SPARC: variants seen among roughly 807,000 people sequenced by gnomAD.
The protein encoded by SPARC is basement-membrane protein 40.
A neutral mutation model predicts 37.7 loss-of-function variants in SPARC; 23 were observed. The observed-to-expected ratio is 0.61, with a 90% CI of 0.44 to 0.87. The LOEUF (loss-of-function observed/expected upper bound fraction) is 0.87. Among genes scored for constraint, SPARC ranks in the 40% least tolerant of loss-of-function variants. The pLI is 0.00. For missense variants in SPARC, 312 were observed against 389.0 expected, an observed-to-expected ratio of 0.80 and a Z score of 1.66; for synonymous variants, 155 against 150.8, an observed-to-expected ratio of 1.03 and a Z score of -0.20.
At chr5:151,682,394 G>C (rs1761015501) in intron 1 of SPARC, among the ~76,000 whole-genome samples, 1 of 152,204 alleles carries the variant, frequency 6.6e-6, no homozygotes, top group Non-Finnish European at 1.5e-5. Context: ...ACAAATGAAA[G>C]GATGAGAAAT....
rs765540729 is a variant in SPARC at position 151,667,562 on chromosome 5, G to A, written c.490C>T (p.Pro164Ser). 2 of 1,614,178 alleles carry A rather than the reference G, an allele frequency of 1.2e-6. No homozygotes were observed. Residue 164 changes from proline (P) to serine (S), a missense_variant, in exon 7 of 10, where the codon CCC becomes TCC. Coordinates refer to ENST00000231061, the MANE Select transcript of SPARC (RefSeq NM_003118.4). The stretch of plus-strand genomic sequence containing the variant: ...TTGAGCCAGTCCCGCATGCGCAGGG[G>A]GAATTCGGTCAGCTCAGAGTCCAGG... ...PCLDSELTEFPLRMRDWLKNV... is the reference protein window; with the variant it reads ...PCLDSELTEFSLRMRDWLKNV...
At chr5:151,668,139 CTTTT>C (rs927219207) in intron 6 of SPARC, among the ~76,000 whole-genome samples, 7 of 145,670 alleles carry the variant, frequency 4.8e-5, no homozygotes, top group African/African-American at 1.8e-4. Flanking sequence ...CTTTTCTTTT[CTTTT>C]TTCTTTTTTT....
chr5:151,680,565 C>T (rs1002416011), intron 1 of SPARC, among the ~76,000 whole-genome samples: 1 of 152,110 alleles, frequency 6.6e-6, no homozygotes, highest in Non-Finnish European at 1.5e-5. Flanking sequence ...TAAATAGCCA[C>T]ATGTGGCTAG....
Position 151,664,166 on chromosome 5 carries a change from G to T in SPARC, c.804C>A (p.Arg268=), listed in dbSNP as rs776131194. The change falls in exon 9 of 10, where the codon CGC becomes CGA. Residue 268 remains arginine, a synonymous_variant. Transcript: ENST00000231061. ...PLIPMEHCTT[R]FFETCDLDND... ...TGTCCAGGTCACAGGTCTCGAAAAA[G>T]CGGGTGGTGCAATGCTCCATGGGGA... 1.2e-6 allele frequency: 2 copies of T among 1,614,212 alleles called. No homozygotes were observed. The highest frequency in any genetic ancestry group is 1.7e-6 in the Non-Finnish European group (2 of 1,180,018).
rs1265109428 is a variant in SPARC, at chr5:151,678,299, C to T, written c.-13-2098G>A. On this transcript the variant is annotated intron_variant, in intron 1 of 9. Transcript: ENST00000231061. ...GCGTCCTTCATATGAGCAGAGTAAC[C>T]GCGCTCCCCTCTGTGACCAGGGGAA... Among the ~76,000 whole-genome samples, 6 of 152,236 alleles carry T rather than the reference C, an allele frequency of 3.9e-5. No individual in the cohort carries two copies. The South Asian group carries it at 6.2e-4, about 16-fold the overall frequency.
chr5:151,668,372 C>T (rs1387048327), intron 6 of SPARC, among the ~76,000 whole-genome samples: 16 of 152,102 alleles, frequency 1.1e-4, no homozygotes, highest in African/African-American at 3.1e-4. Context: ...AGACTGGTCT[C>T]GAACTCCTGA....
chr5:151,674,168 C>T (rs1045662307), intron 3 of SPARC, among the ~76,000 whole-genome samples: 3 of 152,016 alleles, frequency 2.0e-5, no homozygotes, highest in Non-Finnish European at 4.4e-5. Flanking sequence ...CCCGCCACCA[C>T]GCCCAGCTAA....
chr5:151,683,942 T>C (rs957481727), intron 1 of SPARC, among the ~76,000 whole-genome samples: 1 of 152,230 alleles, frequency 6.6e-6, no homozygotes, highest in African/African-American at 2.4e-5. Context: ...CCTGTCCCTG[T>C]TTATCTCTGC....
At chr5:151,684,262 G>A (rs1403266648) in intron 1 of SPARC, among the ~76,000 whole-genome samples, 1 of 152,148 alleles carries the variant, frequency 6.6e-6, no homozygotes, top group Non-Finnish European at 1.5e-5. Flanking sequence ...TTGAATAAAA[G>A]CGGTATCTGG....
chr5:151,675,182 G>T (rs1040713599), intron 2 of SPARC, among the ~76,000 whole-genome samples: 8 of 152,188 alleles, frequency 5.3e-5, no homozygotes, highest in African/African-American at 1.9e-4. Flanking sequence ...GGCTGGAGCT[G>T]CTTCAAAACT....
At chr5:151,673,105 C>G in intron 4 of SPARC, 24 bp downstream of exon 4, 1 of 1,586,090 alleles carries the variant, frequency 6.3e-7, no homozygotes, top group Non-Finnish European at 8.7e-7. Context: ...CTTGGATGTG[C>G]CAAGTTACAG....
intron 4 of SPARC, chr5:151,672,671 G>A (rs1222337603): frequency 5.8e-6 from 1 of 172,134 alleles, no homozygotes; most frequent in Non-Finnish European, 1.3e-5. Flanking sequence ...CATTTCCTCA[G>A]GACCTCGTTT....
chr5:151,674,050 CGCCCAGGGTAGA>C (rs1243863636), intron 3 of SPARC, among the ~76,000 whole-genome samples: 5 of 151,574 alleles, frequency 3.3e-5, no homozygotes, highest in Non-Finnish European at 7.4e-5. Flanking sequence ...CTCATGCTGT[CGCCCAGGGTAGA>C]GTACAGTGGC....
chr5:151,678,213 G>C (rs143219319), intron 1 of SPARC, among the ~76,000 whole-genome samples: 97 of 152,340 alleles, frequency 6.4e-4, no homozygotes, highest in African/African-American at 1.7e-3. Flanking sequence ...GCCCAGCTAG[G>C]ACTGGAAATG....
chr5:151,673,621 G>A (rs754894780), intron 3 of SPARC, among the ~76,000 whole-genome samples: 1 of 152,186 alleles, frequency 6.6e-6, no homozygotes, highest in Admixed American at 6.5e-5. Flanking sequence ...ATTAAATTGT[G>A]TATTCAGGGG....
intron 6 of SPARC, 128 bp downstream of exon 6, chr5:151,669,536 G>A: frequency 9.0e-7 from 1 of 1,111,028 alleles, no homozygotes; most frequent in Non-Finnish European, 1.3e-6. Flanking sequence ...AAATGGGGAT[G>A]CCGAGACTCA....
At chr5:151,672,933 G>A (rs1461859462) in intron 4 of SPARC, 196 bp downstream of exon 4, 2 of 580,982 alleles carry the variant, frequency 3.4e-6, no homozygotes, top group Middle Eastern at 4.6e-4. Context: ...CCTGGAAACC[G>A]ATCTTGCCCA....
At chr5:151,666,680 T>C (rs1416947386) in intron 7 of SPARC, among the ~76,000 whole-genome samples, 171 bp from the exon 8 acceptor site, 1 of 152,098 alleles carries the variant, frequency 6.6e-6, no homozygotes, top group East Asian at 1.9e-4. Flanking sequence ...TTCACAAAAA[T>C]AGAAGCCTGG....
intron 1 of SPARC, among the ~76,000 whole-genome samples, chr5:151,685,401 C>T (rs1298732344): frequency 7.5e-6 from 1 of 132,808 alleles, no homozygotes; most frequent in East Asian, 2.3e-4. Flanking sequence ...TCCTCTCTCT[C>T]TCTCTCTCTC....
Sources: gnomAD v4.1 joint callset for allele counts (sites outside exome capture counted in the v4.1 genomes callset) on GRCh38, gnomAD v4.1.1 for gene constraint, MANE v1.5 for transcripts, NCBI Gene and HGNC (gene_info 2026-07-23, HGNC 2026-07-21) for gene names.